Variants in FUT8 observed in about 807,000 individuals in gnomAD.
FUT8 encodes alpha-(1,6)-fucosyltransferase.
FUT8 carries 29 observed loss-of-function variants against 71.3 expected under a neutral mutation model. The ratio of observed to expected loss-of-function variants is 0.41; its 90% CI spans 0.30 to 0.55. The LOEUF (loss-of-function observed/expected upper bound fraction) is 0.55, where lower values mean the gene tolerates loss of function less well. Among genes scored for constraint, FUT8 ranks in the 20% least tolerant of loss-of-function variants. The probability of loss-of-function intolerance (pLI) is 0.34; values close to 1 mark genes in which losing one functional copy is unlikely to be tolerated. For missense variants in FUT8, 544 were observed against 702.1 expected, an observed-to-expected ratio of 0.77 and a Z score of 2.55; for synonymous variants, 254 against 239.3, an observed-to-expected ratio of 1.06 and a Z score of -0.57.
At chr14:65,388,475 A>G in the FUT8 span, among the ~76,000 whole-genome samples, 1 of 152,124 alleles carries the variant, frequency 6.6e-6, no homozygotes, top group African/African-American at 2.4e-5. Flanking sequence ...AAATTTATCA[A>G]TATCGGCCGG....
chr14:65,418,867 C>T (rs944753198), intron 1 of FUT8, among the ~76,000 whole-genome samples: 1 of 152,030 alleles, frequency 6.6e-6, no homozygotes, highest in Non-Finnish European at 1.5e-5. Context: ...GATATCATTT[C>T]CTTTTGAGGT....
intron 6 of FUT8, among the ~76,000 whole-genome samples, chr14:65,654,593 A>G (rs1156638101): frequency 3.1e-3 from 6 of 1,926 alleles, no homozygotes; most frequent in Admixed American, 0.026. Context: ...TCTGTCTCCA[A>G]AAAAAAAAAA....
chr14:65,361,510 G>A, the FUT8 span, among the ~76,000 whole-genome samples: 3 of 151,736 alleles, frequency 2.0e-5, no homozygotes, highest in Non-Finnish European at 2.9e-5. Flanking sequence ...GACTATGGCC[G>A]GGTGCGGTGG....
upstream of FUT8, chr14:65,410,828 A>T (rs1211305303): frequency 1.3e-5 from 2 of 152,064 alleles, no homozygotes; most frequent in Non-Finnish European, 2.9e-5. Flanking sequence ...GCCCAGGCTG[A>T]AGTGGCTACT....
At chr14:65,692,328 C>T (rs559175754) in intron 7 of FUT8, among the ~76,000 whole-genome samples, 1 of 151,034 alleles carries the variant, frequency 6.6e-6, no homozygotes, top group African/African-American at 2.4e-5. Flanking sequence ...CCCCTCACCT[C>T]CCAGACGGGG....
the FUT8 span, among the ~76,000 whole-genome samples, chr14:65,387,716 T>TG: frequency 6.6e-6 from 1 of 152,226 alleles, no homozygotes; most frequent in African/African-American, 2.4e-5. Flanking sequence ...GGCAGTGAGC[T>TG]GGGGCAATTA....
chr14:65,525,043 G>T (rs1364545670), intron 2 of FUT8, among the ~76,000 whole-genome samples: 1 of 152,114 alleles, frequency 6.6e-6, no homozygotes, highest in Admixed American at 6.6e-5. Context: ...TTGTGTCTCT[G>T]CCAGGCTTTG....
At chr14:65,541,646 A>G (rs550222605) in intron 2 of FUT8, among the ~76,000 whole-genome samples, 41 of 152,328 alleles carry the variant, frequency 2.7e-4, no homozygotes, top group African/African-American at 9.6e-4. Context: ...GTGAGGGCAC[A>G]TGTTCTTTAT....
chr14:65,575,255 T>A (rs1886694685), intron 3 of FUT8, among the ~76,000 whole-genome samples: 2 of 152,038 alleles, frequency 1.3e-5, no homozygotes, highest in African/African-American at 4.8e-5. Context: ...CTTTCTTCCT[T>A]CCTTTTCTTT....
At chr14:65,738,170 G>A (rs988116940) in intron 10 of FUT8, among the ~76,000 whole-genome samples, 2 of 152,064 alleles carry the variant, frequency 1.3e-5, no homozygotes, top group African/African-American at 4.8e-5. Context: ...TCCTTCTGGT[G>A]TTTCTCACAA....
chr14:65,694,875 A>G (rs187773393), intron 7 of FUT8, among the ~76,000 whole-genome samples: 2,294 of 119,386 alleles, frequency 0.019, 63 homozygotes, highest in African/African-American at 0.07. Flanking sequence ...GGGGAACATC[A>G]CACTCTGGGG....
chr14:65,669,229 T>C lies in FUT8; in HGVS notation c.598-14T>C, dbSNP rs772796690. 1.3e-6 allele frequency: 2 copies of C among 1,598,382 alleles called. No homozygotes were observed. Among genetic ancestry groups the C allele is most frequent in the South Asian group, 1.1e-5 (1 of 90,508 alleles). On this transcript the variant is annotated splice_polypyrimidine_tract_variant and intron_variant, in intron 6 of 10. Coordinates refer to ENST00000673929, the MANE Select transcript of FUT8 (RefSeq NM_001371533.1). The surrounding 1 kb of genome is among the most constrained non-coding windows in gnomAD (Gnocchi z 4.5). ...CAACTTATCTTTATTTTCATTTCTC[T>C]TTCTCCCTGACAGAATCCCAAGGAC...
rs547703037 is a variant in FUT8, at chr14:65,599,214, AT to A, written c.204-16763del. Among the ~76,000 whole-genome samples, 256 of 152,352 alleles carry A rather than the reference AT, an allele frequency of 1.7e-3. 1 individual carries two copies. Among genetic ancestry groups the A allele is most frequent in the African/African-American group, 5.6e-3 (235 of 41,596 alleles). ...ATCAGCTTTAAAGTAAACAAAAAAA[AT>A]ATTTTCAGAATATGGTATCAGTATC... On this transcript the variant is annotated intron_variant, in intron 3 of 10. Coordinates refer to ENST00000673929, the MANE Select transcript of FUT8 (RefSeq NM_001371533.1).
intron 7 of FUT8, among the ~76,000 whole-genome samples, chr14:65,701,315 T>C (rs1036289715): frequency 2.0e-5 from 3 of 152,218 alleles, no homozygotes; most frequent in African/African-American, 7.2e-5. Flanking sequence ...AAAATGTGTG[T>C]GCTTTAATGT....
At chr14:65,534,295 AT>A (rs1884146554) in intron 2 of FUT8, among the ~76,000 whole-genome samples, 1 of 147,496 alleles carries the variant, frequency 6.8e-6, no homozygotes, top group Non-Finnish European at 1.5e-5. Context: ...GCTAATTTTT[AT>A]TTTATTTTAT....
intron 2 of FUT8, among the ~76,000 whole-genome samples, chr14:65,554,453 C>T (rs1449222050): frequency 9.9e-5 from 14 of 142,126 alleles, no homozygotes; most frequent in African/African-American, 3.4e-4. Flanking sequence ...ATATTTATAT[C>T]TATAGATCTA....
the FUT8 span, among the ~76,000 whole-genome samples, chr14:65,399,239 C>T: frequency 6.6e-6 from 1 of 152,168 alleles, no homozygotes; most frequent in Non-Finnish European, 1.5e-5. Context: ...ATCGCTTGAA[C>T]CCAAGAGGCG....
rs761269772 is a variant in FUT8, at chr14:65,742,266, C to A, written c.1584C>A (p.Ile528=). The change falls in exon 11 of 11, where the codon ATC becomes ATA. Residue 528 remains isoleucine (I), a synonymous_variant. Transcript: ENST00000673929. ...AAATTCCCATGGAACCTGGAGATATCATTGGTGTGGCTGGAAATCATTGGG... is the reference window on the plus strand; with the variant it reads ...AAATTCCCATGGAACCTGGAGATATAATTGGTGTGGCTGGAAATCATTGGG... The part of the protein sequence containing the change: ...ADEIPMEPGD[I]IGVAGNHWDG... 5 of 1,613,036 alleles carry A rather than the reference C, an allele frequency of 3.1e-6. No homozygotes were observed. The highest frequency in any genetic ancestry group is 1.3e-5 in the African/African-American group (1 of 74,926).
At chr14:65,623,796 C>T (rs1889752754) in intron 5 of FUT8, among the ~76,000 whole-genome samples, 1 of 152,132 alleles carries the variant, frequency 6.6e-6, no homozygotes, top group Non-Finnish European at 1.5e-5. Flanking sequence ...AAATGGCCAG[C>T]ACTATTTTGC....
Sources: allele counts gnomAD v4.1 joint callset (sites outside exome capture counted in the v4.1 genomes callset), GRCh38; gene constraint gnomAD v4.1.1; non-coding constraint Gnocchi (gnomAD v3.1); transcripts MANE v1.5; gene names NCBI Gene and HGNC (gene_info 2026-07-23, HGNC 2026-07-21).